Variants in DNAH6 observed in about 807,000 individuals in gnomAD.
The protein encoded by DNAH6 is dynein axonemal heavy chain 6.
In DNAH6, 340 loss-of-function variants were observed where a neutral mutation model predicts 491.4. The observed-to-expected ratio is 0.69, with a 90% CI of 0.63 to 0.76. DNAH6 has a LOEUF of 0.76. Ranked by LOEUF, DNAH6 falls within the 30% of genes least tolerant of loss-of-function variation. DNAH6 has a pLI of 0.00. For synonymous variants in DNAH6, 1,603 were observed against 1,686.1 expected (o/e 0.95, Z 1.21); for missense variants, 4,443 against 4,972.2 (o/e 0.89, Z 3.20).
intron 61 of DNAH6, among the ~76,000 whole-genome samples, chr2:84,731,249 A>G (rs964116155): frequency 3.3e-5 from 5 of 152,148 alleles, no homozygotes; most frequent in African/African-American, 1.2e-4. Context: ...CTGCCAGTTA[A>G]AGGGCCATAT....
At chr2:84,659,257 G>A in intron 37 of DNAH6, 88 bp downstream of exon 37, 1 of 766,046 alleles carries the variant, frequency 1.3e-6, no homozygotes. Flanking sequence ...TAGTTCTATT[G>A]AAAATATAAC....
Position 84,783,888 on chromosome 2 carries a change from G to A in DNAH6, c.10865-834G>A, listed in dbSNP as rs140269656. On this transcript the variant is annotated intron_variant, in intron 65 of 76. Transcript: ENST00000389394. ...AAAGATTGAGATGGGATGTGAGTAG[G>A]GAGCAAGGAAGATAGCAATTTTAAG... Among the ~76,000 whole-genome samples, 950 of 152,264 alleles carry A rather than the reference G, an allele frequency of 6.2e-3. 3 individuals carry two copies. Among genetic ancestry groups the A allele is most frequent in the Middle Eastern group, 0.02 (6 of 294 alleles).
chr2:84,619,793 C>T lies in DNAH6; in HGVS notation c.3681C>T (p.Leu1227=), dbSNP rs1327856725. The T allele has an allele frequency of 2.6e-6, 4 of 1,551,370 alleles. No homozygotes were observed. In the Admixed American group the frequency reaches 5.9e-5, roughly 23 times the overall value. Reference sequence around the variant, plus strand: ...AATGCTTCGACTCCATTTCAAAGCTCGAATTTGCTCTCATGCCTCCTGCCG... The same window carrying T: ...AATGCTTCGACTCCATTTCAAAGCTTGAATTTGCTCTCATGCCTCCTGCCG... ...LRKCFDSISK[L]EFALMPPAEG... is the part of the protein sequence containing the mutation. Residue 1227 remains leucine, a synonymous_variant, in exon 24 of 77, where the codon CTC becomes CTT. Transcript: ENST00000389394.
At chr2:84,586,138 G>A (rs72941010) in intron 15 of DNAH6, among the ~76,000 whole-genome samples, 1,679 of 152,330 alleles carry the variant, frequency 0.011, 28 homozygotes, top group African/African-American at 0.037. Flanking sequence ...GCAGAAGCAG[G>A]CACTTCCAAG....
At chr2:84,589,265 C>T (rs1176873148) in intron 16 of DNAH6, among the ~76,000 whole-genome samples, 2 of 152,140 alleles carry the variant, frequency 1.3e-5, no homozygotes, top group African/African-American at 4.8e-5. Context: ...TCAATTAAAA[C>T]CACACTATCC....
chr2:84,626,193 T>A (rs1319565345), intron 29 of DNAH6, among the ~76,000 whole-genome samples: 1 of 152,136 alleles, frequency 6.6e-6, no homozygotes, highest in Non-Finnish European at 1.5e-5. Flanking sequence ...TGTAAAAACA[T>A]ACATTTGTTT....
chr2:84,470,621 C>T, the DNAH6 span, among the ~76,000 whole-genome samples: 18 of 152,174 alleles, frequency 1.2e-4, no homozygotes, highest in Admixed American at 1.1e-3. Context: ...AGCTCCTTTA[C>T]TGCAACTTGT....
chr2:84,784,968 A>G (rs1359497244), intron 66 of DNAH6, among the ~76,000 whole-genome samples, 158 bp downstream of exon 66: 3 of 152,150 alleles, frequency 2.0e-5, no homozygotes, highest in Non-Finnish European at 4.4e-5. Flanking sequence ...TAACAAGCAG[A>G]GAAACGATTT....
chr2:84,787,144 A>G lies in DNAH6; in HGVS notation c.11101-20A>G. On this transcript the variant is annotated intron_variant, in intron 67 of 76. Coordinates refer to ENST00000389394, the MANE Select transcript of DNAH6 (RefSeq NM_001370.2). ...ATTTTATCAAATTTTATTTCAGATC[A>G]TTTTCATTTTTCATTTTAGGAGAGA... The G allele has an allele frequency of 6.8e-7, 1 of 1,468,462 alleles. No individual in the cohort carries two copies. The highest frequency in any genetic ancestry group is 1.4e-5 in the African/African-American group (1 of 69,024). 91.0% of individuals were successfully genotyped at this position (1,468,462 alleles called of 1,614,324 possible). A position where few individuals can be genotyped will look rare whatever the true frequency, so the allele number is the denominator to read the frequency against.
Position 84,819,484 on chromosome 2 carries a change from T to C in DNAH6, c.*76T>C, listed in dbSNP as rs572277380. The C allele has an allele frequency of 8.9e-6, 8 of 900,430 alleles. No individual in the cohort carries two copies. The highest frequency in any genetic ancestry group is 1.4e-5 in the Non-Finnish European group (8 of 587,488). 55.8% of individuals were successfully genotyped at this position (900,430 alleles called of 1,614,324 possible). A position where few individuals can be genotyped will look rare whatever the true frequency, so the allele number is the denominator to read the frequency against. ...ATGGGAGCAAAAGGTTTGAATAATT[T>C]ATATGTGAGCAAAACGGTGTTAATT... On this transcript the variant is annotated 3_prime_UTR_variant, in exon 77 of 77. Transcript: ENST00000389394.
chr2:84,789,691 G>C (rs77317578), intron 68 of DNAH6, among the ~76,000 whole-genome samples: 2,115 of 152,276 alleles, frequency 0.014, 30 homozygotes, highest in Non-Finnish European at 0.022. Flanking sequence ...TAAAAAGTTA[G>C]CCAAAACTTT....
Position 84,573,596 on chromosome 2 carries a change from T to C in DNAH6, c.1924+9T>C, listed in dbSNP as rs200771885. 7.9e-5 allele frequency: 123 copies of C among 1,559,508 alleles called. No individual in the cohort carries two copies. Among genetic ancestry groups the C allele is most frequent in the Non-Finnish European group, 1.0e-4 (117 of 1,163,472 alleles). On this transcript the variant is annotated intron_variant, in intron 12 of 76. Transcript: ENST00000389394. ...TAAACTTCAGGAACCTGGTAACTTG[T>C]CCATTTGTACTTACTAATTATTTTT...
At position 84,704,274 on chromosome 2, in the gene DNAH6, G is replaced by A; in HGVS notation, c.8437G>A (p.Glu2813Lys). The A allele has an allele frequency of 6.4e-7, 1 of 1,551,656 alleles. No individual in the cohort carries two copies. Among genetic ancestry groups the A allele is most frequent in the Non-Finnish European group, 8.7e-7 (1 of 1,146,946 alleles). ...KPPDLVMTVM[E>K]AISILLNAKP... ...CCCAGATTTGGTCATGACAGTAATG[G>A]AAGCAATCTCCATTCTTTTGAATGC... Residue 2813 changes from glutamate to lysine, a missense_variant, in exon 51 of 77, where the codon GAA (glutamate) becomes AAA (lysine). This residue lies in a region of DNAH6 where 1,463 missense variants were observed against 1,656.6 expected (regional missense o/e 0.88). Transcript: ENST00000389394.
Position 84,797,633 on chromosome 2 carries a change from A to G in DNAH6, c.11456A>G (p.His3819Arg). The G allele has an allele frequency of 6.4e-7, 1 of 1,551,464 alleles. No homozygotes were observed. Among genetic ancestry groups the G allele is most frequent in the Non-Finnish European group, 8.7e-7 (1 of 1,146,786 alleles). Reference sequence around the variant, plus strand: ...GATGACCCAGAAATTTTTGGAATGCATGAAAATGCTAATCTAGTCTTCCAG... The same window carrying G: ...GATGACCCAGAAATTTTTGGAATGCGTGAAAATGCTAATCTAGTCTTCCAG... ...LIDDPEIFGM[H>R]ENANLVFQYK... The change falls in exon 70 of 77, where the codon CAT becomes CGT. Residue 3819 changes from histidine to arginine, a missense_variant. Coordinates refer to ENST00000389394, the MANE Select transcript of DNAH6 (RefSeq NM_001370.2).
intron 4 of DNAH6, among the ~76,000 whole-genome samples, chr2:84,529,389 A>G (rs540315287): frequency 6.6e-6 from 1 of 152,168 alleles, no homozygotes; most frequent in East Asian, 1.9e-4. Context: ...TGAGCTTCTC[A>G]TATATTTATG....
chr2:84,474,036 TATTTA>T, the DNAH6 span, among the ~76,000 whole-genome samples: 1 of 152,208 alleles, frequency 6.6e-6, no homozygotes, highest in Admixed American at 6.5e-5. Context: ...GGTTCTTTAT[TATTTA>T]TGGCGGGAAC....
chr2:84,576,135 G>A (rs1682421526), intron 12 of DNAH6, among the ~76,000 whole-genome samples: 1 of 152,146 alleles, frequency 6.6e-6, no homozygotes. Context: ...CATTATACGG[G>A]TATCCTTACC....
intron 2 of DNAH6, among the ~76,000 whole-genome samples, chr2:84,521,577 G>A (rs1329129336): frequency 6.6e-5 from 10 of 152,056 alleles, no homozygotes; most frequent in Admixed American, 3.9e-4. Context: ...TATTGCCTAC[G>A]TTGTCTTCCA....
At position 84,813,158 on chromosome 2, in the gene DNAH6, T is replaced by C; in HGVS notation, c.11998+28T>C. 6 of 1,499,026 alleles carry C rather than the reference T, an allele frequency of 4.0e-6. 1 individual carries two copies. In the South Asian group the frequency reaches 7.2e-5, roughly 18 times the overall value. The allele number at this position is 1,499,026 out of a possible 1,614,324, so 92.9% of individuals were successfully genotyped here. On this transcript the variant is annotated intron_variant, in intron 74 of 76. Coordinates refer to ENST00000389394, the MANE Select transcript of DNAH6 (RefSeq NM_001370.2). ...ACCAGCGCTTTCTAGAAAAACCCCA[T>C]AGGAATGGCCATGACTTCTCATACA...
Sources: allele counts gnomAD v4.1 joint callset (sites outside exome capture counted in the v4.1 genomes callset), GRCh38; gene constraint gnomAD v4.1.1; regional missense constraint gnomAD v4.1.1; transcripts MANE v1.5; gene names NCBI Gene and HGNC (gene_info 2026-07-23, HGNC 2026-07-21).